CAST: variants seen among roughly 807,000 people sequenced by gnomAD.
CAST encodes the protein MIR583 host.
CAST carries 76 observed loss-of-function variants against 119.6 expected under a neutral mutation model. That is an observed-to-expected ratio of 0.64 (90% CI 0.53 to 0.77). CAST has a LOEUF of 0.77. Ranked by LOEUF, CAST falls within the 30% of genes least tolerant of loss-of-function variation. CAST has a pLI of 0.00. For synonymous variants in CAST, 319 were observed against 331.6 expected (o/e 0.96, Z 0.41); for missense variants, 953 against 946.5 (o/e 1.01, Z -0.09).
the CAST span, among the ~76,000 whole-genome samples, chr5:96,396,613 TA>T: frequency 6.6e-6 from 1 of 152,120 alleles, no homozygotes. Flanking sequence ...TGCTGATATT[TA>T]TTACACTTTT....
At position 96,631,268 on chromosome 5, in the gene CAST, C is replaced by G. The variant is rs556242505; in HGVS notation, c.61-44271C>G. On this transcript the variant is annotated intron_variant, in intron 1 of 11. Transcript: ENST00000505143. ...CTGTCAGCAATTAGTCCCAATTCAC[C>G]TCTATTCCCATGCCCTGGCAACCAC... Among the ~76,000 whole-genome samples the G allele has an allele frequency of 2.8e-5, 4 of 141,164 alleles. No homozygotes were observed. In the South Asian group the frequency reaches 9.4e-4, roughly 33 times the overall value. 92.6% of individuals were successfully genotyped at this position (141,164 alleles called of 152,430 possible).
intron 1 of CAST, among the ~76,000 whole-genome samples, chr5:96,559,015 A>T (rs1208289937): frequency 2.6e-5 from 4 of 152,184 alleles, no homozygotes; most frequent in Non-Finnish European, 4.4e-5. Flanking sequence ...CACCATAATC[A>T]AGTGGGCTTC....
At chr5:96,597,427 A>G (rs942024203) in intron 1 of CAST, among the ~76,000 whole-genome samples, 17 of 152,232 alleles carry the variant, frequency 1.1e-4, no homozygotes, top group Non-Finnish European at 2.1e-4. Context: ...GGACGTAATT[A>G]TACAAACTGG....
chr5:96,222,441 T>G, the CAST span, among the ~76,000 whole-genome samples: 216 of 151,962 alleles, frequency 1.4e-3, no homozygotes, highest in African/African-American at 4.9e-3. Context: ...CCATTAAAAA[T>G]TGGGCAAAGA....
the CAST span, among the ~76,000 whole-genome samples, chr5:96,341,381 T>C: frequency 9.7e-5 from 14 of 144,636 alleles, no homozygotes; most frequent in Admixed American, 2.0e-4. Flanking sequence ...TGTTGTTTTG[T>C]TTTTTACAAA....
At chr5:96,283,508 G>T in the CAST span, among the ~76,000 whole-genome samples, 4 of 152,192 alleles carry the variant, frequency 2.6e-5, no homozygotes, top group South Asian at 2.1e-4. Flanking sequence ...CAAACTCCCT[G>T]TCGTTCCTTG....
the CAST span, among the ~76,000 whole-genome samples, chr5:96,236,693 A>T: frequency 6.6e-6 from 1 of 152,168 alleles, no homozygotes; most frequent in Non-Finnish European, 1.5e-5. Context: ...CTCCCCAAAT[A>T]TTGCATGTTT....
At chr5:96,066,314 T>C in the CAST span, among the ~76,000 whole-genome samples, 4 of 152,310 alleles carry the variant, frequency 2.6e-5, no homozygotes, top group East Asian at 5.8e-4. Context: ...TTATGATTTC[T>C]GACTCTCTTT....
chr5:96,685,803 A>G (rs945941011), intron 2 of CAST, among the ~76,000 whole-genome samples: 18 of 152,256 alleles, frequency 1.2e-4, no homozygotes, highest in Admixed American at 3.3e-4. Flanking sequence ...AGGTGGGCCC[A>G]AGGAATCAGT....
the CAST span, among the ~76,000 whole-genome samples, chr5:96,060,755 C>T: frequency 4.6e-4 from 70 of 152,146 alleles, no homozygotes; most frequent in African/African-American, 1.5e-3. Flanking sequence ...GAAAAAGATA[C>T]CATGTGGAGT....
the CAST span, among the ~76,000 whole-genome samples, chr5:96,313,305 T>G: frequency 2.4e-4 from 37 of 152,122 alleles, no homozygotes; most frequent in Non-Finnish European, 4.4e-4. Context: ...AGATATAGAT[T>G]TATTTCCTCA....
chr5:96,621,968 T>C (rs1747617193), intron 1 of CAST, among the ~76,000 whole-genome samples: 1 of 105,414 alleles, frequency 9.5e-6, no homozygotes, highest in Non-Finnish European at 2.0e-5. Flanking sequence ...TCTTTTTTTC[T>C]CTTTTTTTTT....
At chr5:96,018,655 A>G in the CAST span, among the ~76,000 whole-genome samples, 16 of 152,198 alleles carry the variant, frequency 1.1e-4, no homozygotes, top group African/African-American at 3.9e-4. Context: ...CCTACTAATG[A>G]ACACTTTTTC....
chr5:95,979,040 A>C, the CAST span, among the ~76,000 whole-genome samples: 1 of 152,204 alleles, frequency 6.6e-6, no homozygotes, highest in Admixed American at 6.5e-5. Flanking sequence ...ACATTTCTGA[A>C]AAAAATCCAA....
At chr5:96,106,316 G>A in the CAST span, among the ~76,000 whole-genome samples, 1 of 152,070 alleles carries the variant, frequency 6.6e-6, no homozygotes, top group African/African-American at 2.4e-5. Context: ...CGTGATGTTA[G>A]GGTGTCAATT....
At chr5:96,628,715 G>T (rs1294323712) in intron 1 of CAST, among the ~76,000 whole-genome samples, 1 of 152,234 alleles carries the variant, frequency 6.6e-6, no homozygotes, top group Non-Finnish European at 1.5e-5. Context: ...CTAAGTCACA[G>T]ATATGTGGCT....
chr5:96,578,283 AT>A (rs71617127), intron 1 of CAST, among the ~76,000 whole-genome samples: 17,759 of 145,698 alleles, frequency 0.12, 1,403 homozygotes, highest in Non-Finnish European at 0.18. Flanking sequence ...ATCTTTTTCC[AT>A]TTTTTTTTTA....
chr5:96,021,094 T>C, the CAST span, among the ~76,000 whole-genome samples: 2 of 152,188 alleles, frequency 1.3e-5, no homozygotes, highest in Non-Finnish European at 2.9e-5. Flanking sequence ...GTTTTCCTTG[T>C]TTCTTTATAT....
the CAST span, among the ~76,000 whole-genome samples, chr5:96,274,666 G>A: frequency 6.6e-6 from 1 of 152,232 alleles, no homozygotes; most frequent in African/African-American, 2.4e-5. Flanking sequence ...GCAACAATGA[G>A]AAGAGAGGAA....
Sources: gnomAD v4.1 joint callset for allele counts (sites outside exome capture counted in the v4.1 genomes callset) on GRCh38, gnomAD v4.1.1 for gene constraint, MANE v1.5 for transcripts, NCBI Gene and HGNC (gene_info 2026-07-23, HGNC 2026-07-21) for gene names.